The following KPNA4 variants were observed in gnomAD, a reference collection of about 807,000 sequenced individuals.
The protein encoded by KPNA4 is karyopherin subunit alpha 4.
A neutral mutation model predicts 71.3 loss-of-function variants in KPNA4; 13 were observed. The ratio of observed to expected loss-of-function variants is 0.18; its 90% confidence interval spans 0.12 to 0.29. The LOEUF (loss-of-function observed/expected upper bound fraction) is 0.29. Ranked by LOEUF, KPNA4 falls within the 10% of genes least tolerant of loss-of-function variation. The probability of loss-of-function intolerance (pLI) is 1.00; values close to 1 mark genes in which losing one functional copy is unlikely to be tolerated. For missense variants in KPNA4, 334 were observed against 603.2 expected (o/e 0.55, Z 4.67); for synonymous variants, 189 against 195.2 (o/e 0.97, Z 0.26).
intron 1 of KPNA4, among the ~76,000 whole-genome samples, chr3:160,559,467 T>C (rs551384580): frequency 3.9e-5 from 6 of 152,272 alleles, no homozygotes; most frequent in Non-Finnish European, 5.9e-5. Flanking sequence ...GACATAATGT[T>C]TTCCAAATAA....
At chr3:160,514,235 G>T in intron 12 of KPNA4, 54 bp from the exon 13 acceptor site, 1 of 1,289,926 alleles carries the variant, frequency 7.8e-7, no homozygotes. Flanking sequence ...ATCTGCATCT[G>T]AACTAAGTAA....
In KPNA4 at chr3:160,497,731, C is replaced by T. The variant is rs899215519; in HGVS notation, c.*4373G>A. 2.6e-5 allele frequency: 4 copies of T among 152,142 alleles called. No individual in the cohort carries two copies. The highest frequency in any genetic ancestry group is 4.4e-5 in the Non-Finnish European group (3 of 68,036). The allele number at this position is 152,142 out of a possible 1,614,324, so 9.4% of individuals were successfully genotyped here. A position where few individuals can be genotyped will look rare whatever the true frequency, so the allele number is the denominator to read the frequency against. On this transcript the variant is annotated 3_prime_UTR_variant, in exon 17 of 17. Transcript: ENST00000334256. ...AAGAAGTTACAAAAAGGATAAGATA[C>T]TCAGCTATCTTGGCCTTCAAAACGC...
intron 11 of KPNA4, among the ~76,000 whole-genome samples, chr3:160,518,387 G>A (rs1577050280): frequency 2.7e-5 from 4 of 150,268 alleles, no homozygotes; most frequent in East Asian, 2.0e-4. Flanking sequence ...CGCCCGCCTC[G>A]GCCTCCCAAA....
chr3:160,535,227 G>A (rs892008358), intron 5 of KPNA4, among the ~76,000 whole-genome samples: 1 of 151,902 alleles, frequency 6.6e-6, no homozygotes, highest in Non-Finnish European at 1.5e-5. Context: ...TTACTCTATG[G>A]CATTAATTTG....
At chr3:160,516,091 A>G (rs1167907454) in intron 11 of KPNA4, among the ~76,000 whole-genome samples, 1 of 152,092 alleles carries the variant, frequency 6.6e-6, no homozygotes, top group Non-Finnish European at 1.5e-5. Context: ...GGTTCAAGCG[A>G]TTCTCCTGGC....
At chr3:160,523,263 G>A (rs185492477) in intron 10 of KPNA4, among the ~76,000 whole-genome samples, 1 of 152,164 alleles carries the variant, frequency 6.6e-6, no homozygotes, top group Admixed American at 6.5e-5. Context: ...TTGAGCCCAG[G>A]AGTTACAGAC....
rs565597839 is a variant in KPNA4, at chr3:160,522,461, C to CTT, written c.772-553_772-552dup. On this transcript the variant is annotated intron_variant, in intron 10 of 16. Coordinates refer to ENST00000334256, the MANE Select transcript of KPNA4 (RefSeq NM_002268.5). The stretch of plus-strand genomic sequence containing the variant: ...TTTTGCCTTACAGAACTGGAGACAA[C>CTT]TTTTTTTTTTTTTTGAGACGGAGTC... 4.5e-3 allele frequency among the ~76,000 whole-genome samples: 663 copies of CTT among 146,576 alleles called. 7 individuals carry two copies. The highest frequency in any genetic ancestry group is 0.016 in the African/African-American group (633 of 40,322).
Position 160,535,701 on chromosome 3 carries a change from A to C in KPNA4, c.205-11T>G. On this transcript the variant is annotated splice_polypyrimidine_tract_variant and intron_variant, in intron 3 of 16. Coordinates refer to ENST00000334256, the MANE Select transcript of KPNA4 (RefSeq NM_002268.5). ...TAGAGAGGTATTTTGCTGGGAAAAA[A>C]GTTAAAGAGAAAACTCAGTTAAAAA... The C allele has an allele frequency of 2.5e-6, 4 of 1,573,668 alleles. No homozygotes were observed. The highest frequency in any genetic ancestry group is 3.4e-6 in the Non-Finnish European group (4 of 1,169,810).
intron 8 of KPNA4, among the ~76,000 whole-genome samples, chr3:160,527,297 TAAA>T (rs1560049443): frequency 6.6e-6 from 1 of 152,124 alleles, no homozygotes; most frequent in Non-Finnish European, 1.5e-5. Context: ...AGGCTCTAGT[TAAA>T]AAAACAAATC....
At chr3:160,513,582 T>G (rs1721145409) in intron 13 of KPNA4, among the ~76,000 whole-genome samples, 1 of 152,166 alleles carries the variant, frequency 6.6e-6, no homozygotes, top group Non-Finnish European at 1.5e-5. Flanking sequence ...GTAATTGCGA[T>G]AAACTGTTTC....
intron 13 of KPNA4, among the ~76,000 whole-genome samples, chr3:160,513,636 T>C (rs1046209146): frequency 3.3e-5 from 5 of 152,262 alleles, no homozygotes; most frequent in African/African-American, 1.2e-4. Flanking sequence ...TGGCATACAA[T>C]AGCATACTTA....
chr3:160,522,549 C>G (rs545132336), intron 10 of KPNA4, among the ~76,000 whole-genome samples: 1 of 152,244 alleles, frequency 6.6e-6, no homozygotes. Context: ...GCTCCGCCTC[C>G]CGGGTTCATG....
At chr3:160,541,647 GCGCACACACACACA>G (rs1293102457) in intron 1 of KPNA4, among the ~76,000 whole-genome samples, 2 of 111,402 alleles carry the variant, frequency 1.8e-5, no homozygotes, top group African/African-American at 4.1e-5. Context: ...AGTTATATAC[GCGCACACACACACA>G]CACACACACA....
rs1373171965 is a variant in KPNA4 at position 160,496,666 on chromosome 3, A to C, written c.*5438T>G. 1 of 152,222 alleles carries C rather than the reference A, an allele frequency of 6.6e-6. No homozygotes were observed. Among genetic ancestry groups the C allele is most frequent in the Non-Finnish European group, 1.5e-5 (1 of 68,034 alleles). 9.4% of individuals were successfully genotyped at this position (152,222 alleles called of 1,614,324 possible). A position where few individuals can be genotyped will look rare whatever the true frequency, so the allele number is the denominator to read the frequency against. ...AAAGTGGAAGAACTGATAGTCTGGA[A>C]AGGTGAAGTAATCTGGAGTAGGCAG... On this transcript the variant is annotated 3_prime_UTR_variant, in exon 17 of 17. Transcript: ENST00000334256.
chr3:160,553,746 C>T (rs752261646), intron 1 of KPNA4, among the ~76,000 whole-genome samples: 11 of 152,154 alleles, frequency 7.2e-5, no homozygotes, highest in South Asian at 2.1e-4. Context: ...GAAAGAGATG[C>T]AATCCTAGGT....
chr3:160,543,898 C>T (rs1049968863), intron 1 of KPNA4, among the ~76,000 whole-genome samples: 2 of 151,954 alleles, frequency 1.3e-5, no homozygotes, highest in South Asian at 2.1e-4. Flanking sequence ...GCTCTTGCTG[C>T]CCAGGCTGCA....
At position 160,497,497 on chromosome 3, in the gene KPNA4, T is replaced by TG. The variant is rs1437209383; in HGVS notation, c.*4606dup. 2 of 152,190 alleles carry TG rather than the reference T, an allele frequency of 1.3e-5. No individual in the cohort carries two copies. Among genetic ancestry groups the TG allele is most frequent in the Non-Finnish European group, 2.9e-5 (2 of 68,034 alleles). 9.4% of individuals were successfully genotyped at this position (152,190 alleles called of 1,614,324 possible). ...TCTTGCAGCAACTTTTAAAAATTAT[T>TG]GTACATATATATTTAAAAGCATACT... On this transcript the variant is annotated 3_prime_UTR_variant, in exon 17 of 17. Coordinates refer to ENST00000334256, the MANE Select transcript of KPNA4 (RefSeq NM_002268.5).
intron 1 of KPNA4, among the ~76,000 whole-genome samples, chr3:160,546,889 CA>C (rs1175530984): frequency 6.6e-6 from 1 of 152,156 alleles, no homozygotes; most frequent in Admixed American, 6.5e-5. Context: ...CTGGTATCTA[CA>C]AAACATTAAA....
chr3:160,530,507 C>T (rs192934269), intron 7 of KPNA4, among the ~76,000 whole-genome samples: 2 of 150,868 alleles, frequency 1.3e-5, no homozygotes, highest in African/African-American at 4.9e-5. Flanking sequence ...AACAAAAAAA[C>T]AAAAACAAAA....
Sources: gnomAD v4.1 joint callset for allele counts (sites outside exome capture counted in the v4.1 genomes callset) on GRCh38, gnomAD v4.1.1 for gene constraint, MANE v1.5 for transcripts, NCBI Gene and HGNC (gene_info 2026-07-23, HGNC 2026-07-21) for gene names.